The following ARHGAP21 variants were observed in gnomAD, a reference collection of about 807,000 sequenced individuals.
The protein encoded by ARHGAP21 is Rho GTPase activating protein 21, also known as rho GTPase-activating protein 21.
ARHGAP21 carries 38 observed loss-of-function variants against 164.6 expected under a neutral mutation model. The observed-to-expected ratio is 0.23, with a 90% CI of 0.18 to 0.30. The LOEUF (loss-of-function observed/expected upper bound fraction) is 0.30. Among genes scored for constraint, ARHGAP21 ranks in the 10% least tolerant of loss-of-function variants. The pLI is 1.00. For missense variants in ARHGAP21, 1,822 were observed against 2,370.7 expected, an observed-to-expected ratio of 0.77 and a Z score of 4.81; for synonymous variants, 766 against 857.9, an observed-to-expected ratio of 0.89 and a Z score of 1.87.
At chr10:24,664,315 G>A (rs1839974422) in intron 4 of ARHGAP21, among the ~76,000 whole-genome samples, 1 of 152,026 alleles carries the variant, frequency 6.6e-6, no homozygotes, top group Admixed American at 6.5e-5. Flanking sequence ...CCAGCATTTT[G>A]GGAGGCCGAG....
chr10:24,674,653 T>C (rs1047866760), intron 2 of ARHGAP21, among the ~76,000 whole-genome samples: 4 of 152,188 alleles, frequency 2.6e-5, no homozygotes, highest in African/African-American at 9.6e-5. Flanking sequence ...ACCACTGCAC[T>C]CCAGCCTGGG....
chr10:24,701,035 A>C (rs773003114), intron 2 of ARHGAP21, among the ~76,000 whole-genome samples: 1 of 152,180 alleles, frequency 6.6e-6, no homozygotes, highest in Non-Finnish European at 1.5e-5. Flanking sequence ...TAGCTTATCA[A>C]CGTAAAGCCT....
chr10:24,584,817 C>G lies in ARHGAP21; in HGVS notation c.5472G>C (p.Gln1824His), dbSNP rs762171919. 6.2e-7 allele frequency: 1 copy of G among 1,613,980 alleles called. No homozygotes were observed. Among genetic ancestry groups the G allele is most frequent in the Non-Finnish European group, 8.5e-7 (1 of 1,179,874 alleles). The change falls in exon 26 of 26, where the codon CAG becomes CAC. Residue 1824 changes from glutamine (Q) to histidine (H), a missense_variant. Physicochemically the swap from Gln to His is conservative, Grantham distance 24. Around this residue, in one of 5 missense-constraint regions of ARHGAP21, gnomAD observed 165 missense variants for 176.6 expected, o/e 0.93. Coordinates refer to ENST00000396432, the MANE Select transcript of ARHGAP21 (RefSeq NM_020824.4). ...SVLNFWKVHE[Q>H]SGERESELSA... is the part of the protein sequence containing the mutation. ...AAAGTTCAGATTCTCTCTCCCCGCT[C>G]TGCTCATGCACTTTCCAAAAATTCA... is the stretch of plus-strand genomic sequence containing the variant.
intron 16 of ARHGAP21, 56 bp from the exon 17 acceptor site, chr10:24,596,938 A>G (rs1592956952): frequency 6.5e-7 from 1 of 1,543,936 alleles, no homozygotes; most frequent in Non-Finnish European, 8.7e-7. Flanking sequence ...GAGTGTCTAA[A>G]TCATGACTTT....
rs778701646 is a variant in ARHGAP21, at chr10:24,584,790, T to C, written c.5499A>G (p.Ser1833=). The C allele has an allele frequency of 1.9e-6, 3 of 1,613,890 alleles. No individual in the cohort carries two copies. The highest frequency in any genetic ancestry group is 2.5e-6 in the Non-Finnish European group (3 of 1,179,878). The stretch of plus-strand genomic sequence containing the variant: ...ATTTTGGTTTTAACCGGTTTACAGC[T>C]GAAAGTTCAGATTCTCTCTCCCCGC... ...EQSGERESEL[S]AVNRLKPKCS... Residue 1833 remains serine, a synonymous_variant, in exon 26 of 26, where the codon TCA becomes TCG. Transcript: ENST00000396432.
At chr10:24,689,634 G>A (rs771589144) in intron 2 of ARHGAP21, among the ~76,000 whole-genome samples, 9 of 152,016 alleles carry the variant, frequency 5.9e-5, no homozygotes, top group African/African-American at 2.2e-4. Flanking sequence ...TCAGCTACCC[G>A]GGAGGCTGAG....
intron 9 of ARHGAP21, among the ~76,000 whole-genome samples, chr10:24,614,923 A>AT (rs1314209704): frequency 6.6e-6 from 1 of 152,142 alleles, no homozygotes; most frequent in African/African-American, 2.4e-5. Context: ...GCGGTGGCTC[A>AT]TACCTGTAAT....
chr10:24,690,058 A>G (rs1333281895), intron 2 of ARHGAP21, among the ~76,000 whole-genome samples: 2 of 151,834 alleles, frequency 1.3e-5, no homozygotes, highest in Non-Finnish European at 2.9e-5. Context: ...TTCCATATCA[A>G]TTACATATAC....
At chr10:24,686,370 A>G (rs1040396014) in intron 2 of ARHGAP21, among the ~76,000 whole-genome samples, 3 of 152,152 alleles carry the variant, frequency 2.0e-5, no homozygotes, top group Non-Finnish European at 2.9e-5. Context: ...TCAAGGCTGC[A>G]GTGAGCCGAG....
At chr10:24,663,780 C>A (rs915579494) in intron 4 of ARHGAP21, among the ~76,000 whole-genome samples, 4 of 152,194 alleles carry the variant, frequency 2.6e-5, no homozygotes, top group Non-Finnish European at 5.9e-5. Context: ...CTGCCCGCCT[C>A]AGCCTTCCAA....
intron 4 of ARHGAP21, among the ~76,000 whole-genome samples, chr10:24,651,924 A>G (rs1838214465): frequency 1.3e-5 from 2 of 152,210 alleles, no homozygotes; most frequent in Non-Finnish European, 2.9e-5. Context: ...ATTCTACCCA[A>G]TAGCAGCACT....
At chr10:24,712,825 C>T (rs1450903195) in intron 2 of ARHGAP21, among the ~76,000 whole-genome samples, 1 of 152,166 alleles carries the variant, frequency 6.6e-6, no homozygotes, top group Admixed American at 6.5e-5. Context: ...CTTCCCCTCA[C>T]ATCCACTACT....
intron 4 of ARHGAP21, among the ~76,000 whole-genome samples, chr10:24,663,460 G>A (rs562782579): frequency 1.3e-5 from 2 of 152,238 alleles, no homozygotes; most frequent in African/African-American, 2.4e-5. Flanking sequence ...CAATGCTTTG[G>A]TGCCCATCAC....
At chr10:24,708,629 C>T (rs1347276187) in intron 2 of ARHGAP21, among the ~76,000 whole-genome samples, 1 of 152,220 alleles carries the variant, frequency 6.6e-6, no homozygotes, top group African/African-American at 2.4e-5. Context: ...ACTCTCTACA[C>T]CCATGTGTAC....
chr10:24,584,374 G>A lies in ARHGAP21; in HGVS notation c.*38C>T, dbSNP rs746051802. On this transcript the variant is annotated 3_prime_UTR_variant, in exon 26 of 26. Transcript: ENST00000396432. Reference sequence around the variant, plus strand: ...GACAGAGTTACTGGAACGTGTAACAGTAGTTTTTTTACTTGCTAGAGTGGA... The same window carrying A: ...GACAGAGTTACTGGAACGTGTAACAATAGTTTTTTTACTTGCTAGAGTGGA... The A allele has an allele frequency of 1.2e-4, 177 of 1,529,964 alleles. No individual in the cohort carries two copies. Among genetic ancestry groups the A allele is most frequent in the Non-Finnish European group, 1.4e-4 (165 of 1,140,634 alleles). The allele number at this position is 1,529,964 out of a possible 1,614,324, so 94.8% of individuals were successfully genotyped here.
chr10:24,646,879 G>GA (rs935805880), intron 4 of ARHGAP21, among the ~76,000 whole-genome samples: 2 of 151,564 alleles, frequency 1.3e-5, no homozygotes, highest in South Asian at 2.1e-4. Context: ...AATTAATTTA[G>GA]AAAAAAAAGC....
chr10:24,709,659 A>G (rs1293346212), intron 2 of ARHGAP21, among the ~76,000 whole-genome samples: 1 of 151,400 alleles, frequency 6.6e-6, no homozygotes, highest in Non-Finnish European at 1.5e-5. Flanking sequence ...AGACTGCTTG[A>G]GGCCAGCAGG....
At chr10:24,671,165 C>T (rs1840668281) in intron 2 of ARHGAP21, among the ~76,000 whole-genome samples, 1 of 152,284 alleles carries the variant, frequency 6.6e-6, no homozygotes, top group African/African-American at 2.4e-5. Context: ...CCTTTACCCT[C>T]TCCCACTTCC....
intron 3 of ARHGAP21, among the ~76,000 whole-genome samples, chr10:24,667,386 A>T (rs963675926): frequency 6.6e-6 from 1 of 152,198 alleles, no homozygotes; most frequent in African/African-American, 2.4e-5. Flanking sequence ...GGACAGATGG[A>T]AAGGTCAGGT....
Sources: allele counts gnomAD v4.1 joint callset (sites outside exome capture counted in the v4.1 genomes callset), GRCh38; gene constraint gnomAD v4.1.1; regional missense constraint gnomAD v4.1.1; transcripts MANE v1.5; gene names NCBI Gene and HGNC (gene_info 2026-07-23, HGNC 2026-07-21).